The following DOCK1 variants were observed in gnomAD, a reference collection of about 807,000 sequenced individuals.
The protein encoded by DOCK1 is dedicator of cytokinesis protein 1.
DOCK1 carries 138 observed loss-of-function variants against 262.7 expected under a neutral mutation model. That is an observed-to-expected ratio of 0.53 (90% CI 0.46 to 0.61). DOCK1 has a LOEUF of 0.61. DOCK1 is among the 20% of genes least tolerant of loss of function. DOCK1 has a pLI of 0.00. For synonymous variants in DOCK1, 866 were observed against 867.4 expected, an observed-to-expected ratio of 1.00 and a Z score of 0.03; for missense variants, 1,908 against 2,370.7, an observed-to-expected ratio of 0.80 and a Z score of 4.05.
chr10:127,094,074 G>A (rs528198049), intron 23 of DOCK1, among the ~76,000 whole-genome samples: 2 of 152,180 alleles, frequency 1.3e-5, no homozygotes, highest in South Asian at 2.1e-4. Context: ...CCTGCCTGTA[G>A]TCCCAGCTAC....
At chr10:127,101,173 G>A (rs763277019) in intron 23 of DOCK1, among the ~76,000 whole-genome samples, 6 of 152,032 alleles carry the variant, frequency 3.9e-5, no homozygotes, top group African/African-American at 4.8e-5. Context: ...GAAGCTTAGC[G>A]AGTTCCTTTC....
intron 1 of DOCK1, among the ~76,000 whole-genome samples, chr10:126,942,831 A>C (rs2035122423): frequency 6.6e-6 from 1 of 152,180 alleles, no homozygotes; most frequent in Admixed American, 6.5e-5. Context: ...TTTCCAGAAA[A>C]TGCTTAACTA....
chr10:127,088,709 T>C (rs761451154), intron 23 of DOCK1, among the ~76,000 whole-genome samples: 9 of 151,922 alleles, frequency 5.9e-5, no homozygotes, highest in Non-Finnish European at 1.2e-4. Context: ...CTTTTCATGA[T>C]TCTCATGTTT....
intron 29 of DOCK1, among the ~76,000 whole-genome samples, chr10:127,329,036 G>A (rs2062862289): frequency 6.6e-6 from 1 of 151,868 alleles, no homozygotes; most frequent in South Asian, 2.1e-4. Context: ...ATCATTCAAT[G>A]GCATAATTAC....
chr10:127,198,828 G>T (rs1476611773), intron 27 of DOCK1, among the ~76,000 whole-genome samples: 2 of 150,862 alleles, frequency 1.3e-5, no homozygotes, highest in Non-Finnish European at 2.9e-5. Context: ...CAAAATATTG[G>T]TGAAAACTTG....
chr10:126,905,683 G>A (rs1245643584), intron 1 of DOCK1, 120 bp downstream of exon 1: 2 of 148,288 alleles, frequency 1.3e-5, no homozygotes, highest in African/African-American at 4.9e-5. Flanking sequence ...AGGCGCTTCC[G>A]CCCGCGCCCG....
intron 27 of DOCK1, among the ~76,000 whole-genome samples, chr10:127,149,338 C>G (rs1043979941): frequency 6.6e-6 from 1 of 152,174 alleles, no homozygotes; most frequent in African/African-American, 2.4e-5. Flanking sequence ...TCTCACCTTT[C>G]GCTTGTCGTA....
rs544199329 is a variant in DOCK1 at position 127,238,383 on chromosome 10, C to T, written c.2848-9625C>T. On this transcript the variant is annotated intron_variant, in intron 27 of 51. Coordinates refer to ENST00000623213, the MANE Select transcript of DOCK1 (RefSeq NM_001290223.2). ...TGTTTTCAGATTGAGTGAGTGTCTT[C>T]GTCCCCAAAGACCTTTTACCTCGAG... Among the ~76,000 whole-genome samples, 6 of 152,248 alleles carry T rather than the reference C, an allele frequency of 3.9e-5. No homozygotes were observed. The South Asian group carries it at 1.2e-3, about 32-fold the overall frequency.
intron 23 of DOCK1, among the ~76,000 whole-genome samples, chr10:127,103,412 G>C (rs913493049): frequency 6.6e-6 from 1 of 152,178 alleles, no homozygotes; most frequent in African/African-American, 2.4e-5. Flanking sequence ...GTATTGTTAA[G>C]GTTTTCGGAG....
At chr10:127,337,698 C>A (rs943447054) in intron 29 of DOCK1, among the ~76,000 whole-genome samples, 1 of 152,188 alleles carries the variant, frequency 6.6e-6, no homozygotes, top group Non-Finnish European at 1.5e-5. Context: ...TTAATGTCCC[C>A]GGGGAAGAAG....
intron 19 of DOCK1, 50 bp from the exon 20 acceptor site, chr10:127,042,575 G>A (rs894582604): frequency 1.3e-6 from 2 of 1,500,872 alleles, no homozygotes; most frequent in Admixed American, 1.7e-5. Flanking sequence ...CAGTGTGTGG[G>A]GGAAGTCCGG....
At chr10:127,317,310 A>C (rs759761948) in intron 29 of DOCK1, among the ~76,000 whole-genome samples, 8 of 152,218 alleles carry the variant, frequency 5.3e-5, no homozygotes, top group Non-Finnish European at 1.2e-4. Flanking sequence ...AGTTCACTAC[A>C]ACATTTTACC....
rs539746788 is a variant in DOCK1 at position 126,998,518 on chromosome 10, G to A, written c.767+269G>A. 1.2e-5 allele frequency: 4 copies of A among 339,940 alleles called. No homozygotes were observed. In the South Asian group the frequency reaches 2.7e-4, roughly 23 times the overall value. The allele number at this position is 339,940 out of a possible 1,614,324, so 21.1% of individuals were successfully genotyped here. A position where few individuals can be genotyped will look rare whatever the true frequency, so the allele number is the denominator to read the frequency against. On this transcript the variant is annotated intron_variant, in intron 8 of 51. Transcript: ENST00000623213. ...TACACTCTGGCCGTATCTTAAGAGT[G>A]TAGCTGAAGATTGAAGTAATACTTT...
chr10:127,261,173 C>T lies in DOCK1; in HGVS notation c.3044+3744C>T, dbSNP rs562477470. Among the ~76,000 whole-genome samples, 570 of 114,824 alleles carry T rather than the reference C, an allele frequency of 5.0e-3. 27 individuals are homozygous for T. The highest frequency in any genetic ancestry group is 0.02 in the African/African-American group (557 of 27,704). 75.3% of individuals were successfully genotyped at this position (114,824 alleles called of 152,430 possible). ...TACCCGTGCTCATCTGTGTGTGTCC[C>T]TGCATGTGTGTGCATGCGGGTGTGT... is the stretch of plus-strand genomic sequence containing the variant. On this transcript the variant is annotated intron_variant, in intron 29 of 51. Transcript: ENST00000623213.
chr10:127,270,991 A>ATG (rs145447357), intron 29 of DOCK1, among the ~76,000 whole-genome samples: 60,830 of 111,566 alleles, frequency 0.55, 12,268 homozygotes, highest in Admixed American at 0.61. Flanking sequence ...AAAGTTATAT[A>ATG]TGTGTGTATG....
intron 10 of DOCK1, among the ~76,000 whole-genome samples, chr10:127,007,951 A>G (rs1448892220): frequency 6.6e-6 from 1 of 152,186 alleles, no homozygotes; most frequent in Non-Finnish European, 1.5e-5. Context: ...TGTTGGCTTA[A>G]TTGTTTGCGG....
At chr10:127,130,430 G>A (rs188753357) in intron 27 of DOCK1, among the ~76,000 whole-genome samples, 2 of 152,228 alleles carry the variant, frequency 1.3e-5, no homozygotes, top group African/African-American at 2.4e-5. Context: ...TTGACTTGTA[G>A]CCCACTGGTC....
Position 126,996,822 on chromosome 10 carries a change from G to A in DOCK1, c.548G>A (p.Ser183Asn), listed in dbSNP as rs759788379. Reference protein sequence around the residue: ...ILDPELTSTISLFRAHEIASK... With the variant: ...ILDPELTSTINLFRAHEIASK... Reference sequence around the variant, plus strand: ...GATCCAGAATTAACTAGCACGATTAGTCTCTTCAGAGCTCATGAAATAGCT... The same window carrying A: ...GATCCAGAATTAACTAGCACGATTAATCTCTTCAGAGCTCATGAAATAGCT... The change falls in exon 7 of 52, where the codon AGT becomes AAT. Residue 183 changes from serine to asparagine, a missense_variant. By Grantham distance (46) the Ser-to-Asn change is conservative. Coordinates refer to ENST00000623213, the MANE Select transcript of DOCK1 (RefSeq NM_001290223.2). 27 of 1,612,812 alleles carry A rather than the reference G, an allele frequency of 1.7e-5. No homozygotes were observed. The highest frequency in any genetic ancestry group is 6.7e-5 in the Admixed American group (4 of 59,720).
Position 127,374,068 on chromosome 10 carries a change from C to G in DOCK1, c.3529C>G (p.His1177Asp), listed in dbSNP as rs2134038720. 6.2e-7 allele frequency: 1 copy of G among 1,609,982 alleles called. No individual in the cohort carries two copies. The highest frequency in any genetic ancestry group is 1.1e-5 in the South Asian group (1 of 89,946). ...ATAATTATTTTTCAGCCTTCTGGAA[C>G]ACTGCAGGAAGCACAAATACCTCGC... ...KVLFDKILLE[H>D]CRKHKYLAKT... The change falls in exon 35 of 52, where the codon CAC (histidine) becomes GAC (aspartate). Residue 1177 changes from histidine (H) to aspartate (D), a missense_variant. By Grantham distance (81) the His-to-Asp change is moderately conservative. Around this residue, in one of 9 missense-constraint regions of DOCK1, gnomAD observed 518 missense variants for 575.1 expected, o/e 0.90. Transcript: ENST00000623213.
Sources: gnomAD v4.1 joint callset for allele counts (sites outside exome capture counted in the v4.1 genomes callset) on GRCh38, gnomAD v4.1.1 for gene constraint, gnomAD v4.1.1 regional missense constraint, MANE v1.5 for transcripts, NCBI Gene and HGNC (gene_info 2026-07-23, HGNC 2026-07-21) for gene names.